The following WDR36 variants were observed in gnomAD, a reference collection of about 807,000 sequenced individuals.
WDR36 encodes the protein WD repeat-containing protein 36.
In WDR36, 63 loss-of-function variants were observed where a neutral mutation model predicts 112.7. The ratio of observed to expected loss-of-function variants is 0.56; its 90% confidence interval spans 0.46 to 0.69. WDR36 has a LOEUF of 0.69. WDR36 is among the 30% of genes least tolerant of loss of function. The pLI is 0.00. For synonymous variants in WDR36, 410 were observed against 362.2 expected (o/e 1.13, Z -1.50); for missense variants, 1,226 against 1,070.3 (o/e 1.15, Z -2.03).
At position 111,125,561 on chromosome 5, in the gene WDR36, G is replaced by A. The variant is rs201802615; in HGVS notation, c.2351-47G>A. The A allele has an allele frequency of 1.7e-5, 27 of 1,564,440 alleles. No homozygotes were observed. In the African/African-American group the frequency reaches 3.4e-4, roughly 20 times the overall value. On this transcript the variant is annotated intron_variant, in intron 21 of 22. Coordinates refer to ENST00000513710, the MANE Select transcript of WDR36 (RefSeq NM_139281.3). ...TAAAAGGAAAACTGTAATTTTCTAAGTTAAATGATTATAATCAAGTCATAA... is the reference window on the plus strand; with the variant it reads ...TAAAAGGAAAACTGTAATTTTCTAAATTAAATGATTATAATCAAGTCATAA...
intron 4 of WDR36, among the ~76,000 whole-genome samples, 167 bp downstream of exon 4, chr5:111,099,006 G>C (rs953682492): frequency 1.3e-5 from 2 of 152,130 alleles, no homozygotes; most frequent in African/African-American, 4.8e-5. Flanking sequence ...GTAAGAAAGA[G>C]ATAAACAACT....
chr5:111,114,499 T>C (rs1231590019), intron 16 of WDR36, among the ~76,000 whole-genome samples: 1 of 152,196 alleles, frequency 6.6e-6, no homozygotes, highest in Non-Finnish European at 1.5e-5. Flanking sequence ...TACCTACCCA[T>C]CTTGCATATA....
intron 21 of WDR36, 29 bp downstream of exon 21, chr5:111,124,218 A>G (rs758995715): frequency 6.5e-7 from 1 of 1,544,620 alleles, no homozygotes; most frequent in Non-Finnish European, 8.9e-7. Flanking sequence ...TATTTTAACT[A>G]ATATATTTAG....
chr5:111,104,245 AAATT>A lies in WDR36; in HGVS notation c.803_806del (p.Leu268SerfsTer4). ...TGGACTCTGGGATCTAGAAGACAAAAAATTAATCAACCAAATGAGAAATGCACAC... is the reference window on the plus strand; with the variant it reads ...TGGACTCTGGGATCTAGAAGACAAAAAATCAACCAAATGAGAAATGCACAC... On this transcript the variant is annotated frameshift_variant, in exon 8 of 23. Transcript: ENST00000513710. LOFTEE classifies it high-confidence loss of function. 2 of 1,612,078 alleles carry A rather than the reference AAATT, an allele frequency of 1.2e-6. No homozygotes were observed. Among genetic ancestry groups the A allele is most frequent in the Non-Finnish European group, 1.7e-6 (2 of 1,178,596 alleles).
At chr5:111,120,886 T>C in intron 18 of WDR36, 110 bp from the exon 19 acceptor site, 1 of 993,238 alleles carries the variant, frequency 1.0e-6, no homozygotes, top group South Asian at 1.4e-5. Context: ...ATGAACAGTC[T>C]ACAAGGCTGC....
chr5:111,100,217 C>T (rs1753094729), intron 4 of WDR36, among the ~76,000 whole-genome samples: 1 of 151,956 alleles, frequency 6.6e-6, no homozygotes, highest in African/African-American at 2.4e-5. Flanking sequence ...TAAGTATAAG[C>T]ACTTCACTTG....
chr5:111,118,274 C>G (rs1393690629), intron 16 of WDR36, among the ~76,000 whole-genome samples: 2 of 152,158 alleles, frequency 1.3e-5, no homozygotes. Flanking sequence ...GAAATGCTTT[C>G]TCTACTAGAC....
intron 10 of WDR36, 145 bp from the exon 11 acceptor site, chr5:111,105,909 CAGT>C (rs1263717671): frequency 6.3e-6 from 4 of 635,838 alleles, no homozygotes; most frequent in Non-Finnish European, 5.6e-6. Flanking sequence ...TAAAAAATAA[CAGT>C]GGTAATAACA....
intron 19 of WDR36, among the ~76,000 whole-genome samples, chr5:111,121,531 CTT>C (rs1352338725): frequency 6.6e-6 from 1 of 152,136 alleles, no homozygotes; most frequent in Non-Finnish European, 1.5e-5. Context: ...TTCCACTAGA[CTT>C]TCATTTTATT....
At chr5:111,119,206 G>A (rs1039338254) in intron 17 of WDR36, 86 bp downstream of exon 17, 2 of 1,029,420 alleles carry the variant, frequency 1.9e-6, no homozygotes, top group Non-Finnish European at 3.1e-6. Flanking sequence ...CATTTAGGCT[G>A]TTTTTAAGTG....
intron 9 of WDR36, 65 bp downstream of exon 9, chr5:111,104,882 A>C (rs1753194261): frequency 6.9e-6 from 11 of 1,603,380 alleles, no homozygotes; most frequent in Non-Finnish European, 7.7e-6. Context: ...GCCCAGTATG[A>C]GGTTTGATAT....
chr5:111,103,170 T>A (rs569169931), intron 6 of WDR36, among the ~76,000 whole-genome samples: 1 of 151,758 alleles, frequency 6.6e-6, no homozygotes, highest in Non-Finnish European at 1.5e-5. Context: ...ACGTGTAGCC[T>A]GATTCCATTC....
chr5:111,105,236 T>G (rs1337931311), intron 9 of WDR36, 59 bp from the exon 10 acceptor site: 1 of 1,522,422 alleles, frequency 6.6e-7, no homozygotes, highest in Non-Finnish European at 9.1e-7. Context: ...AAATTTGTGA[T>G]TCACATAGTC....
chr5:111,093,140 G>T (rs932935930), intron 1 of WDR36, among the ~76,000 whole-genome samples: 2 of 152,186 alleles, frequency 1.3e-5, no homozygotes, highest in African/African-American at 4.8e-5. Flanking sequence ...TCTAAGCCTT[G>T]CAGCCGTTTC....
intron 19 of WDR36, among the ~76,000 whole-genome samples, chr5:111,123,570 CCT>C (rs1297095465): frequency 2.0e-5 from 3 of 152,150 alleles, no homozygotes; most frequent in Non-Finnish European, 4.4e-5. Context: ...TCCCCTGTGC[CCT>C]GTCACTTTTT....
Position 111,103,623 on chromosome 5 carries a change from T to TA in WDR36, c.598-157dup, listed in dbSNP as rs1027597553. 1.1e-4 allele frequency among the ~76,000 whole-genome samples: 17 copies of TA among 151,860 alleles called. No homozygotes were observed. In the East Asian group the frequency reaches 2.9e-3, roughly 26 times the overall value. On this transcript the variant is annotated intron_variant, in intron 6 of 22. Coordinates refer to ENST00000513710, the MANE Select transcript of WDR36 (RefSeq NM_139281.3). ...CATTACTGAATACTTCTATGCTGAA[T>TA]AAAAAAGTATGCTTGAATGGTAATA...
At chr5:111,107,779 A>T (rs148855144) in intron 12 of WDR36, among the ~76,000 whole-genome samples, 1 of 151,366 alleles carries the variant, frequency 6.6e-6, no homozygotes, top group Non-Finnish European at 1.5e-5. Context: ...TCCTCTGCTG[A>T]AAGTCATTTG....
chr5:111,104,087 T>C, intron 7 of WDR36, 90 bp from the exon 8 acceptor site: 1 of 1,431,852 alleles, frequency 7.0e-7, no homozygotes, highest in Non-Finnish European at 9.6e-7. Flanking sequence ...TTTTTCTAAC[T>C]TTATGGATTA....
At chr5:111,102,078 A>G (rs1465700320) in intron 5 of WDR36, among the ~76,000 whole-genome samples, 1 of 151,526 alleles carries the variant, frequency 6.6e-6, no homozygotes, top group Admixed American at 6.6e-5. Context: ...GTAATATAAC[A>G]TGATTTTTAC....
Sources: allele counts gnomAD v4.1 joint callset (sites outside exome capture counted in the v4.1 genomes callset), GRCh38; gene constraint gnomAD v4.1.1; transcripts MANE v1.5; gene names NCBI Gene and HGNC (gene_info 2026-07-23, HGNC 2026-07-21).